The following RAB3B variants were observed in gnomAD, a reference collection of about 807,000 sequenced individuals.
RAB3B encodes the protein ras-related protein Rab-3B.
In RAB3B, 11 loss-of-function variants were observed where a neutral mutation model predicts 20.5. The ratio of observed to expected loss-of-function variants is 0.54; its 90% CI spans 0.34 to 0.89. The LOEUF (loss-of-function observed/expected upper bound fraction) is 0.89, where lower values mean the gene tolerates loss of function less well. Ranked by LOEUF, RAB3B falls within the 40% of genes least tolerant of loss-of-function variation. RAB3B has a pLI of 0.02. For synonymous variants in RAB3B, 99 were observed against 106.3 expected, an observed-to-expected ratio of 0.93 and a Z score of 0.42; for missense variants, 225 against 280.9, an observed-to-expected ratio of 0.80 and a Z score of 1.42.
At chr1:51,972,561 A>G (rs1377337095) in intron 2 of RAB3B, among the ~76,000 whole-genome samples, 1 of 150,832 alleles carries the variant, frequency 6.6e-6, no homozygotes, top group Non-Finnish European at 1.5e-5. Flanking sequence ...TGAGGCCTCA[A>G]AGGAAGTAAT....
In RAB3B at chr1:51,933,451, A is replaced by C; in HGVS notation, c.348-9T>G. 6.2e-7 allele frequency: 1 copy of C among 1,606,384 alleles called. No homozygotes were observed. The highest frequency in any genetic ancestry group is 8.5e-7 in the Non-Finnish European group (1 of 1,174,190). On this transcript the variant is annotated splice_polypyrimidine_tract_variant and intron_variant, in intron 3 of 4. Transcript: ENST00000371655. ...TCTTGATCTGAGTAGCCCTAAAATG[A>C]GATAGAAAGAGATATGTTAATCATA...
Position 51,919,819 on chromosome 1 carries a change from G to C in RAB3B, c.*108C>G. On this transcript the variant is annotated 3_prime_UTR_variant, in exon 5 of 5. Transcript: ENST00000371655. ...CAGCAACTCATCTTGCTCTGAGTGTGGGCAGTGTGTAACAGGGAGAGTGGG... is the reference window on the plus strand; with the variant it reads ...CAGCAACTCATCTTGCTCTGAGTGTCGGCAGTGTGTAACAGGGAGAGTGGG... 1 of 1,141,582 alleles carries C rather than the reference G, an allele frequency of 8.8e-7. No individual in the cohort carries two copies. Among genetic ancestry groups the C allele is most frequent in the Non-Finnish European group, 1.2e-6 (1 of 813,356 alleles). 70.7% of individuals were successfully genotyped at this position (1,141,582 alleles called of 1,614,324 possible).
At chr1:51,970,675 T>C (rs968811251) in intron 2 of RAB3B, among the ~76,000 whole-genome samples, 4 of 152,144 alleles carry the variant, frequency 2.6e-5, no homozygotes, top group African/African-American at 9.7e-5. Context: ...CACTAAATGC[T>C]GTTCCTACAC....
At position 51,919,240 on chromosome 1, in the gene RAB3B, C is replaced by T. The variant is rs1183114474; in HGVS notation, c.*687G>A. The stretch of plus-strand genomic sequence containing the variant: ...CCTCATGATCCACCCGCCTCGGCCT[C>T]CCAAAGTGCTGGGATTACAGGCGTG... On this transcript the variant is annotated 3_prime_UTR_variant, in exon 5 of 5. Coordinates refer to ENST00000371655, the MANE Select transcript of RAB3B (RefSeq NM_002867.4). 6.6e-6 allele frequency: 1 copy of T among 152,182 alleles called. No individual in the cohort carries two copies. Among genetic ancestry groups the T allele is most frequent in the East Asian group, 1.9e-4 (1 of 5,196 alleles). The allele number at this position is 152,182 out of a possible 1,614,324, so 9.4% of individuals were successfully genotyped here. A position where few individuals can be genotyped will look rare whatever the true frequency, so the allele number is the denominator to read the frequency against.
chr1:51,959,982 G>A (rs971394134), intron 2 of RAB3B, among the ~76,000 whole-genome samples: 3 of 152,182 alleles, frequency 2.0e-5, no homozygotes, highest in Admixed American at 2.0e-4. Flanking sequence ...GGGTGAAGAT[G>A]GGGTTGGGGA....
intron 1 of RAB3B, among the ~76,000 whole-genome samples, chr1:51,986,401 C>T (rs897324444): frequency 6.6e-6 from 1 of 152,006 alleles, no homozygotes; most frequent in Admixed American, 6.6e-5. Context: ...CCGCCTGCCT[C>T]GGCCTCCCAA....
chr1:51,955,093 G>A (rs565140967), intron 2 of RAB3B, among the ~76,000 whole-genome samples: 6 of 152,336 alleles, frequency 3.9e-5, no homozygotes, highest in African/African-American at 1.4e-4. Context: ...GCCAGGGGGC[G>A]TTGACCTTTA....
chr1:51,962,989 T>G (rs1684803632), intron 2 of RAB3B, among the ~76,000 whole-genome samples: 1 of 152,138 alleles, frequency 6.6e-6, no homozygotes, highest in East Asian at 1.9e-4. Flanking sequence ...ACCACCCACT[T>G]ATCCCTCTAC....
At chr1:51,961,137 G>A (rs939045285) in intron 2 of RAB3B, among the ~76,000 whole-genome samples, 1 of 152,018 alleles carries the variant, frequency 6.6e-6, no homozygotes, top group African/African-American at 2.4e-5. Context: ...TTCACCCTAT[G>A]CCCAGAACAT....
intron 2 of RAB3B, among the ~76,000 whole-genome samples, chr1:51,947,476 T>C (rs1684581023): frequency 6.6e-6 from 1 of 152,116 alleles, no homozygotes. Flanking sequence ...CTGATTTGTA[T>C]TCTTGATTCT....
At chr1:51,951,013 TTAATA>T (rs1230122000) in intron 2 of RAB3B, among the ~76,000 whole-genome samples, 2 of 152,142 alleles carry the variant, frequency 1.3e-5, no homozygotes, top group Non-Finnish European at 2.9e-5. Flanking sequence ...TGGAGCTAGC[TTAATA>T]TTATAGCTAT....
At position 51,912,488 on chromosome 1, in the gene RAB3B, G is replaced by A. The variant is rs1296940536; in HGVS notation, c.*7439C>T. 1.9e-4 allele frequency: 27 copies of A among 140,098 alleles called. No homozygotes were observed. Among genetic ancestry groups the A allele is most frequent in the South Asian group, 2.3e-4 (1 of 4,380 alleles). 8.7% of individuals were successfully genotyped at this position (140,098 alleles called of 1,614,324 possible). On this transcript the variant is annotated 3_prime_UTR_variant, in exon 5 of 5. Transcript: ENST00000371655. The stretch of plus-strand genomic sequence containing the variant: ...CTCAGGAGGCCAAGGCAAGAGGATC[G>A]CTTGAGGCCAGAATTTGAAACCAGC...
chr1:51,965,512 T>TG (rs1557973747), intron 2 of RAB3B, among the ~76,000 whole-genome samples: 2 of 151,542 alleles, frequency 1.3e-5, no homozygotes, highest in African/African-American at 2.4e-5. Context: ...CCGGGTGCGG[T>TG]GGGGGGCACG....
rs1684821426 is a variant in RAB3B at position 51,964,472 on chromosome 1, C to T, written c.228+12418G>A. Among the ~76,000 whole-genome samples the T allele has an allele frequency of 3.3e-5, 5 of 152,182 alleles. No individual in the cohort carries two copies. The South Asian group carries it at 1.0e-3, about 31-fold the overall frequency. Reference sequence around the variant, plus strand: ...TTCCCTTGTTAATCTTATTTGGTCTCATCATTTAAAATACTACTTGCTAAC... The same window carrying T: ...TTCCCTTGTTAATCTTATTTGGTCTTATCATTTAAAATACTACTTGCTAAC... On this transcript the variant is annotated intron_variant, in intron 2 of 4. Coordinates refer to ENST00000371655, the MANE Select transcript of RAB3B (RefSeq NM_002867.4).
intron 2 of RAB3B, among the ~76,000 whole-genome samples, chr1:51,966,976 A>G (rs1684860395): frequency 6.6e-6 from 1 of 152,124 alleles, no homozygotes; most frequent in African/African-American, 2.4e-5. Context: ...GCCCTCAGTA[A>G]AGTCCCTATC....
chr1:51,975,537 T>A (rs1684996405), intron 2 of RAB3B, among the ~76,000 whole-genome samples: 1 of 152,224 alleles, frequency 6.6e-6, no homozygotes, highest in African/African-American at 2.4e-5. Context: ...ACATTGCCAC[T>A]TCCTCTGGCC....
intron 1 of RAB3B, among the ~76,000 whole-genome samples, chr1:51,983,821 G>A (rs540929709): frequency 2.0e-5 from 3 of 151,984 alleles, no homozygotes; most frequent in Admixed American, 2.0e-4. Context: ...TTAGCCAGGT[G>A]TGGTGGCGCA....
In RAB3B at chr1:51,916,416, G is replaced by C. The variant is rs1684085912; in HGVS notation, c.*3511C>G. The C allele has an allele frequency of 6.6e-6, 1 of 152,200 alleles. No homozygotes were observed. The highest frequency in any genetic ancestry group is 2.4e-5 in the African/African-American group (1 of 41,442). 9.4% of individuals were successfully genotyped at this position (152,200 alleles called of 1,614,324 possible). On this transcript the variant is annotated 3_prime_UTR_variant, in exon 5 of 5. Transcript: ENST00000371655. ...TGGATATAGATACTAAAATATCCAG[G>C]CGTCATGAGGACCTTGGTCTGAAAT...
chr1:51,935,676 C>T (rs1374090331), intron 3 of RAB3B, among the ~76,000 whole-genome samples: 1 of 151,822 alleles, frequency 6.6e-6, no homozygotes, highest in Non-Finnish European at 1.5e-5. Flanking sequence ...GGGGTCAAGG[C>T]CAACAGGGAA....
Sources: gnomAD v4.1 joint callset for allele counts (sites outside exome capture counted in the v4.1 genomes callset) on GRCh38, gnomAD v4.1.1 for gene constraint, MANE v1.5 for transcripts, NCBI Gene and HGNC (gene_info 2026-07-23, HGNC 2026-07-21) for gene names.